The following HIP1 variants were observed in gnomAD, a reference collection of about 807,000 sequenced individuals.
HIP1 encodes the protein huntingtin interacting protein 1.
HIP1 carries 65 observed loss-of-function variants against 147.6 expected under a neutral mutation model. The ratio of observed to expected loss-of-function variants is 0.44; its 90% CI spans 0.36 to 0.54. The LOEUF (loss-of-function observed/expected upper bound fraction) is 0.54, where lower values mean the gene tolerates loss of function less well. HIP1 is among the 20% of genes least tolerant of loss of function. The pLI is 0.00. For synonymous variants in HIP1, 479 were observed against 504.0 expected, an observed-to-expected ratio of 0.95 and a Z score of 0.67; for missense variants, 1,061 against 1,299.6, an observed-to-expected ratio of 0.82 and a Z score of 2.82.
chr7:75,718,831 C>T (rs1288457232), intron 1 of HIP1, among the ~76,000 whole-genome samples: 4 of 152,214 alleles, frequency 2.6e-5, no homozygotes, highest in Admixed American at 6.6e-5. Flanking sequence ...CCTGACATTT[C>T]CCAGTAATTC....
chr7:75,611,999 C>T, intron 1 of HIP1: 1 of 370,620 alleles, frequency 2.7e-6, no homozygotes, highest in Non-Finnish European at 3.7e-6. Context: ...CTGGGCCTGG[C>T]CTGTGGGCCC....
At chr7:75,731,431 C>T (rs372060776) in intron 1 of HIP1, among the ~76,000 whole-genome samples, 11 of 140,834 alleles carry the variant, frequency 7.8e-5, no homozygotes, top group South Asian at 2.3e-4. Context: ...TGTAGTGAGC[C>T]GAGATGGCGC....
chr7:75,738,856 C>T lies in HIP1; in HGVS notation c.65G>A (p.Arg22His). The T allele has an allele frequency of 6.3e-7, 1 of 1,587,300 alleles. No individual in the cohort carries two copies. Among genetic ancestry groups the T allele is most frequent in the Non-Finnish European group, 8.6e-7 (1 of 1,168,762 alleles). The change falls in exon 1 of 31, where the codon CGC becomes CAC. Residue 22 changes from arginine (R) to histidine (H), a missense_variant. Coordinates refer to ENST00000336926, the MANE Select transcript of HIP1 (RefSeq NM_005338.7). ...PNPLPKVLSR[R>H]GVGAGLEAAE... ...CGCCTCCAGCCCAGCGCCGACCCCGCGCCGGCTCAGCACCTTGGGCAGTGG... is the reference window on the plus strand; with the variant it reads ...CGCCTCCAGCCCAGCGCCGACCCCGTGCCGGCTCAGCACCTTGGGCAGTGG...
At position 75,592,558 on chromosome 7, in the gene HIP1, A is replaced by G. The variant is rs1434109170; in HGVS notation, c.185-44T>C. The G allele has an allele frequency of 3.8e-6, 6 of 1,578,424 alleles. No homozygotes were observed. In the African/African-American group the frequency reaches 8.2e-5, roughly 22 times the overall value. Reference sequence around the variant, plus strand: ...AAACAACGGATGGGCTCTGCCAGTCACTGCAGGGGACTGAGCCTGCACCCA... The same window carrying G: ...AAACAACGGATGGGCTCTGCCAGTCGCTGCAGGGGACTGAGCCTGCACCCA... On this transcript the variant is annotated intron_variant, in intron 2 of 30. Coordinates refer to ENST00000336926, the MANE Select transcript of HIP1 (RefSeq NM_005338.7).
At chr7:75,608,231 C>T (rs1397948037) in intron 1 of HIP1, among the ~76,000 whole-genome samples, 2 of 152,064 alleles carry the variant, frequency 1.3e-5, no homozygotes, top group Admixed American at 6.6e-5. Flanking sequence ...TGCTTAAACC[C>T]GGGAGGCGGA....
rs1023999878 is a variant in HIP1 at position 75,718,364 on chromosome 7, A to C, written c.120+20437T>G. Among the ~76,000 whole-genome samples the C allele has an allele frequency of 3.9e-5, 6 of 151,970 alleles. No individual in the cohort carries two copies. The East Asian group carries it at 1.2e-3, about 29-fold the overall frequency. ...AGAGGAAGACTCTGTCTCTAAAAAG[A>C]AAAGAAAAAAAAGATTAGCTGATTA... is the stretch of plus-strand genomic sequence containing the variant. On this transcript the variant is annotated intron_variant, in intron 1 of 30. Coordinates refer to ENST00000336926, the MANE Select transcript of HIP1 (RefSeq NM_005338.7).
rs1801164318 is a variant in HIP1, at chr7:75,711,487, C to A, written c.120+27314G>T. Among the ~76,000 whole-genome samples the A allele has an allele frequency of 2.0e-5, 3 of 152,108 alleles. No homozygotes were observed. The South Asian group carries it at 6.2e-4, about 32-fold the overall frequency. On this transcript the variant is annotated intron_variant, in intron 1 of 30. Coordinates refer to ENST00000336926, the MANE Select transcript of HIP1 (RefSeq NM_005338.7). Reference sequence around the variant, plus strand: ...GGCAGAGAGCTTCTTACAAAAAGAGCCATGTAGTTTCTCTCCCAAAAGAGA... The same window carrying A: ...GGCAGAGAGCTTCTTACAAAAAGAGACATGTAGTTTCTCTCCCAAAAGAGA...
At position 75,582,103 on chromosome 7, in the gene HIP1, C is replaced by T. The variant is rs782800307; in HGVS notation, c.514G>A (p.Glu172Lys). Residue 172 changes from glutamate (E) to lysine (K), a missense_variant, in exon 6 of 31, where the codon GAG becomes AAG. Coordinates refer to ENST00000336926, the MANE Select transcript of HIP1 (RefSeq NM_005338.7). ...TTGTTCACGTCACTTTCTCCAGCCT[C>T]GTCCAGCTGGCGGTCACTCATCTGC... ...NLQMSDRQLD[E>K]AGESDVNNFF... The T allele has an allele frequency of 9.9e-6, 16 of 1,613,896 alleles. No homozygotes were observed. The highest frequency in any genetic ancestry group is 4.5e-5 in the East Asian group (2 of 44,880).
intron 15 of HIP1, 144 bp from the exon 16 acceptor site, chr7:75,557,914 C>T (rs1795079308): frequency 1.0e-5 from 7 of 694,512 alleles, no homozygotes; most frequent in Middle Eastern, 2.6e-4. Flanking sequence ...ACAGAGCCAT[C>T]ACCTTCAGAT....
At chr7:75,707,637 G>A (rs76619350) in intron 1 of HIP1, among the ~76,000 whole-genome samples, 12 of 150,992 alleles carry the variant, frequency 7.9e-5, no homozygotes, top group East Asian at 3.9e-4. Flanking sequence ...AGCCCGCATC[G>A]CCAAGTCAAT....
At chr7:75,692,226 A>C (rs973340430) in intron 1 of HIP1, among the ~76,000 whole-genome samples, 1 of 151,906 alleles carries the variant, frequency 6.6e-6, no homozygotes, top group East Asian at 1.9e-4. Context: ...TGATATTTTC[A>C]ATTAATATAT....
chr7:75,663,947 T>TATATGTGTATATACAC, intron 1 of HIP1, among the ~76,000 whole-genome samples: 2 of 104,426 alleles, frequency 1.9e-5, no homozygotes, highest in Non-Finnish European at 3.9e-5. Flanking sequence ...TATATATATA[T>TATATGTGTATATACAC]ACACATATAT....
At chr7:75,668,220 A>C (rs1168147478) in intron 1 of HIP1, among the ~76,000 whole-genome samples, 1 of 152,208 alleles carries the variant, frequency 6.6e-6, no homozygotes, top group Non-Finnish European at 1.5e-5. Flanking sequence ...CCCTGAACTC[A>C]TATTCCCTCT....
chr7:75,703,885 G>A (rs532227853), intron 1 of HIP1, among the ~76,000 whole-genome samples: 1 of 152,272 alleles, frequency 6.6e-6, no homozygotes, highest in African/African-American at 2.4e-5. Context: ...GACTGTGTGT[G>A]CCTCAGGGGT....
At position 75,614,867 on chromosome 7, in the gene HIP1, G is replaced by A. The variant is rs892604877; in HGVS notation, c.121-15620C>T. The stretch of plus-strand genomic sequence containing the variant: ...CGGCGCATTGCAACCTCTGCCTCCC[G>A]GGTTCAAGTGATTCTCCTGCCTCAG... On this transcript the variant is annotated intron_variant, in intron 1 of 30. Transcript: ENST00000336926. Among the ~76,000 whole-genome samples the A allele has an allele frequency of 2.6e-5, 4 of 151,906 alleles. No homozygotes were observed. The South Asian group carries it at 8.3e-4, about 32-fold the overall frequency.
chr7:75,552,921 C>A (rs782236114), intron 22 of HIP1, among the ~76,000 whole-genome samples: 2 of 149,588 alleles, frequency 1.3e-5, no homozygotes, highest in African/African-American at 2.5e-5. Flanking sequence ...CTAGGCCTGT[C>A]TCAAACTTCT....
intron 1 of HIP1, among the ~76,000 whole-genome samples, chr7:75,698,534 C>T (rs530640697): frequency 3.3e-5 from 5 of 152,230 alleles, no homozygotes; most frequent in African/African-American, 1.2e-4. Context: ...TGCCAGGATT[C>T]CAGCCAGGTG....
intron 4 of HIP1, among the ~76,000 whole-genome samples, chr7:75,591,414 T>A (rs1796497455): frequency 6.6e-6 from 1 of 152,120 alleles, no homozygotes; most frequent in Non-Finnish European, 1.5e-5. Context: ...TTGTGGTGTG[T>A]GTACAGAAAT....
At position 75,658,187 on chromosome 7, in the gene HIP1, G is replaced by A. The variant is rs140871005; in HGVS notation, c.121-58940C>T. Among the ~76,000 whole-genome samples, 901 of 152,110 alleles carry A rather than the reference G, an allele frequency of 5.9e-3. 4 individuals carry two copies. The highest frequency in any genetic ancestry group is 0.01 in the Middle Eastern group (3 of 294). ...CGTCTCACTGCAGCCTTCACCTCCC[G>A]ACTTCAAGCGATTCTCCTGCCTCCC... On this transcript the variant is annotated intron_variant, in intron 1 of 30. Coordinates refer to ENST00000336926, the MANE Select transcript of HIP1 (RefSeq NM_005338.7).
Sources: allele counts gnomAD v4.1 joint callset (sites outside exome capture counted in the v4.1 genomes callset), GRCh38; gene constraint gnomAD v4.1.1; transcripts MANE v1.5; gene names NCBI Gene and HGNC (gene_info 2026-07-23, HGNC 2026-07-21).